The following BMPR1B variants were observed in gnomAD, a reference collection of about 807,000 sequenced individuals.
BMPR1B encodes bone morphogenetic protein receptor type-1B.
BMPR1B carries 12 observed loss-of-function variants against 59.1 expected under a neutral mutation model. The observed-to-expected ratio is 0.20, with a 90% CI of 0.13 to 0.33. The LOEUF (loss-of-function observed/expected upper bound fraction) is 0.33, where lower values mean the gene tolerates loss of function less well. Among genes scored for constraint, BMPR1B ranks in the 10% least tolerant of loss-of-function variants. The pLI is 1.00. For missense variants in BMPR1B, 550 were observed against 610.9 expected (o/e 0.90, Z 1.05); for synonymous variants, 237 against 207.3 (o/e 1.14, Z -1.23).
At chr4:94,911,528 G>C (rs533813601) in intron 2 of BMPR1B, among the ~76,000 whole-genome samples, 1 of 152,082 alleles carries the variant, frequency 6.6e-6, no homozygotes, top group Non-Finnish European at 1.5e-5. Context: ...TTATGTTTCC[G>C]GGAGTCCTCT....
At chr4:94,842,304 C>G (rs1457090083) in intron 1 of BMPR1B, among the ~76,000 whole-genome samples, 1 of 151,962 alleles carries the variant, frequency 6.6e-6, no homozygotes, top group Non-Finnish European at 1.5e-5. Flanking sequence ...TTAAGCAAGT[C>G]TTAAAAAAAT....
chr4:94,993,481 C>T (rs116498960), intron 2 of BMPR1B, among the ~76,000 whole-genome samples: 242 of 151,718 alleles, frequency 1.6e-3, no homozygotes, highest in African/African-American at 5.3e-3. Flanking sequence ...ACAGGGTGGC[C>T]GGGTGCAGTG....
intron 1 of BMPR1B, among the ~76,000 whole-genome samples, chr4:94,765,680 G>A (rs1721944500): frequency 6.6e-6 from 1 of 152,192 alleles, no homozygotes; most frequent in East Asian, 1.9e-4. Flanking sequence ...TTTCTACTTT[G>A]TCACATAGTA....
intron 4 of BMPR1B, among the ~76,000 whole-genome samples, chr4:95,112,074 A>G (rs1039531746): frequency 2.6e-5 from 4 of 152,110 alleles, no homozygotes; most frequent in Non-Finnish European, 5.9e-5. Context: ...CTTCGTCTAT[A>G]ACACAGGGAC....
intron 1 of BMPR1B, among the ~76,000 whole-genome samples, chr4:94,855,877 A>G (rs1725735472): frequency 6.6e-6 from 1 of 152,334 alleles, no homozygotes; most frequent in African/African-American, 2.4e-5. Flanking sequence ...TGATTATTTA[A>G]ATCTCAGTAA....
chr4:95,029,978 G>A (rs1724708090), intron 3 of BMPR1B, among the ~76,000 whole-genome samples: 1 of 151,640 alleles, frequency 6.6e-6, no homozygotes, highest in Non-Finnish European at 1.5e-5. Context: ...TTTTTTTCTT[G>A]TAAATTTGTT....
chr4:94,767,419 G>A (rs901360617), intron 1 of BMPR1B, among the ~76,000 whole-genome samples: 1 of 152,288 alleles, frequency 6.6e-6, no homozygotes, highest in African/African-American at 2.4e-5. Flanking sequence ...CATGCTGTTT[G>A]TTAGGAGCTT....
chr4:94,958,309 A>T (rs547845912), intron 2 of BMPR1B, among the ~76,000 whole-genome samples: 7 of 152,204 alleles, frequency 4.6e-5, no homozygotes, highest in African/African-American at 1.7e-4. Context: ...GTCTGGGCAT[A>T]TGGCAGGTGT....
chr4:95,001,125 G>T (rs953020472), intron 3 of BMPR1B, among the ~76,000 whole-genome samples: 5 of 151,906 alleles, frequency 3.3e-5, no homozygotes, highest in African/African-American at 1.2e-4. Context: ...TAAGCTCTAG[G>T]GTACATGTGC....
At chr4:94,770,546 G>A (rs1271392924) in intron 1 of BMPR1B, among the ~76,000 whole-genome samples, 1 of 151,848 alleles carries the variant, frequency 6.6e-6, no homozygotes, top group African/African-American at 2.4e-5. Context: ...TTGTAGGTTA[G>A]CCCACTGACT....
At chr4:95,048,916 A>G (rs1467084607) in intron 3 of BMPR1B, among the ~76,000 whole-genome samples, 2 of 152,194 alleles carry the variant, frequency 1.3e-5, no homozygotes, top group African/African-American at 4.8e-5. Flanking sequence ...GGCACCTAGC[A>G]TATGTTAATA....
At chr4:95,043,603 A>G (rs1027410990) in intron 3 of BMPR1B, among the ~76,000 whole-genome samples, 8 of 152,230 alleles carry the variant, frequency 5.3e-5, no homozygotes, top group African/African-American at 1.9e-4. Context: ...TAGGTAAATG[A>G]TATTGTAGTA....
At chr4:95,102,958 G>A (rs73839207) in intron 3 of BMPR1B, among the ~76,000 whole-genome samples, 6,598 of 152,136 alleles carry the variant, frequency 0.043, 487 homozygotes, top group African/African-American at 0.15. Context: ...TGTGGCTGGG[G>A]TGGGATTCTG....
In BMPR1B at chr4:94,823,022, T is replaced by G. The variant is rs79721487; in HGVS notation, c.-182-52809T>G. ...AAAAGTATTAATGTCAAAAAATAAA[T>G]TTTTTCAAGTTAACTTTTGGTATCT... On this transcript the variant is annotated intron_variant, in intron 1 of 12. Coordinates refer to ENST00000515059, the MANE Select transcript of BMPR1B (RefSeq NM_001203.3). 2.8e-3 allele frequency among the ~76,000 whole-genome samples: 434 copies of G among 152,306 alleles called. 15 individuals are homozygous for G. In the East Asian group the frequency reaches 0.062, roughly 22 times the overall value.
chr4:94,906,326 A>G (rs184560770), intron 2 of BMPR1B, among the ~76,000 whole-genome samples: 18 of 152,196 alleles, frequency 1.2e-4, no homozygotes, highest in African/African-American at 3.1e-4. Flanking sequence ...TTTGCATGGT[A>G]CTTATTACTT....
chr4:94,857,637 G>A (rs1725811182), intron 1 of BMPR1B, among the ~76,000 whole-genome samples: 1 of 152,110 alleles, frequency 6.6e-6, no homozygotes, highest in Non-Finnish European at 1.5e-5. Context: ...AAATAAATTT[G>A]GGAAGCTGCT....
chr4:95,138,007 G>T (rs570627840), intron 10 of BMPR1B, among the ~76,000 whole-genome samples: 1 of 152,292 alleles, frequency 6.6e-6, no homozygotes, highest in African/African-American at 2.4e-5. Context: ...AGCATCGATG[G>T]TCTTTACAAT....
At chr4:94,859,850 G>C (rs1725909909) in intron 1 of BMPR1B, among the ~76,000 whole-genome samples, 1 of 152,070 alleles carries the variant, frequency 6.6e-6, no homozygotes. Flanking sequence ...TTACTAAAGG[G>C]TGGCATGGTT....
chr4:94,897,941 CTT>C (rs869186341), intron 2 of BMPR1B, among the ~76,000 whole-genome samples: 33 of 90,328 alleles, frequency 3.7e-4, no homozygotes, highest in South Asian at 1.2e-3. Context: ...AATTCTTTTC[CTT>C]TTTTTTTTTT....
Sources: allele counts gnomAD v4.1 joint callset (sites outside exome capture counted in the v4.1 genomes callset), GRCh38; gene constraint gnomAD v4.1.1; transcripts MANE v1.5; gene names NCBI Gene and HGNC (gene_info 2026-07-23, HGNC 2026-07-21).